UNC5D: variants seen among roughly 807,000 people sequenced by gnomAD.
UNC5D encodes the protein netrin receptor UNC5D.
A neutral mutation model predicts 105.4 loss-of-function variants in UNC5D; 39 were observed. That is an observed-to-expected ratio of 0.37 (90% CI 0.29 to 0.48). UNC5D has a LOEUF of 0.48. UNC5D is among the 20% of genes least tolerant of loss of function. The probability of loss-of-function intolerance (pLI) is 0.98; values close to 1 mark genes in which losing one functional copy is unlikely to be tolerated. For missense variants in UNC5D, 991 were observed against 1,202.4 expected (o/e 0.82, Z 2.60); for synonymous variants, 452 against 450.4 (o/e 1.00, Z -0.04).
At chr8:35,346,936 C>A (rs1289972768) in intron 1 of UNC5D, among the ~76,000 whole-genome samples, 1 of 151,914 alleles carries the variant, frequency 6.6e-6, no homozygotes, top group Non-Finnish European at 1.5e-5. Flanking sequence ...TGAGAAGCCA[C>A]ATTGGACCTC....
At chr8:35,726,011 G>A (rs919057354) in intron 9 of UNC5D, 141 bp from the exon 10 acceptor site, 3 of 1,121,258 alleles carry the variant, frequency 2.7e-6, no homozygotes, top group Non-Finnish European at 3.7e-6. Context: ...ACCCAACCTG[G>A]CAGGGTGGTC....
At chr8:35,718,463 G>C (rs1009966972) in intron 8 of UNC5D, among the ~76,000 whole-genome samples, 1 of 152,128 alleles carries the variant, frequency 6.6e-6, no homozygotes, top group Admixed American at 6.5e-5. Flanking sequence ...CTAAGACTGT[G>C]GTTTCTTTGA....
chr8:35,335,817 G>T (rs1277199216), intron 1 of UNC5D, among the ~76,000 whole-genome samples: 4 of 137,576 alleles, frequency 2.9e-5, no homozygotes, highest in Non-Finnish European at 6.1e-5. Flanking sequence ...AGGCTGGAGT[G>T]CAGTGGCACG....
At chr8:35,248,735 AAT>A (rs1317848862) in intron 1 of UNC5D, among the ~76,000 whole-genome samples, 2 of 99,336 alleles carry the variant, frequency 2.0e-5, no homozygotes, top group South Asian at 6.5e-4. Context: ...AAAAATATAT[AAT>A]ATATATAAAA....
chr8:35,627,649 C>T (rs1703248269), intron 4 of UNC5D, among the ~76,000 whole-genome samples: 1 of 152,138 alleles, frequency 6.6e-6, no homozygotes, highest in Non-Finnish European at 1.5e-5. Flanking sequence ...TAAAACTTGA[C>T]TGGGCGCGGT....
chr8:35,426,503 C>G (rs28567831), intron 1 of UNC5D, among the ~76,000 whole-genome samples: 11,707 of 152,146 alleles, frequency 0.077, 733 homozygotes, highest in African/African-American at 0.17. Flanking sequence ...TCAGAGGAAA[C>G]TAGGTATCTT....
At chr8:35,609,081 C>T (rs1175183380) in intron 4 of UNC5D, among the ~76,000 whole-genome samples, 1 of 151,954 alleles carries the variant, frequency 6.6e-6, no homozygotes, top group Admixed American at 6.5e-5. Context: ...TTTTTTTAAA[C>T]TTTTTAATAA....
At chr8:35,679,223 A>G (rs1825487509) in intron 4 of UNC5D, among the ~76,000 whole-genome samples, 1 of 152,170 alleles carries the variant, frequency 6.6e-6, no homozygotes, top group Admixed American at 6.5e-5. Context: ...GTGTTCCAGC[A>G]GTAGTCTTTT....
chr8:35,700,211 G>A (rs1048355331), intron 7 of UNC5D, among the ~76,000 whole-genome samples: 2 of 152,172 alleles, frequency 1.3e-5, no homozygotes, highest in Admixed American at 6.6e-5. Flanking sequence ...AGTTATGAGG[G>A]GAGAGGGAAA....
chr8:35,782,230 T>A (rs1563759304), intron 16 of UNC5D, among the ~76,000 whole-genome samples: 1 of 152,216 alleles, frequency 6.6e-6, no homozygotes, highest in Non-Finnish European at 1.5e-5. Flanking sequence ...GCTTATGGTG[T>A]GTTCAATTAC....
chr8:35,311,019 A>T (rs2128878383), intron 1 of UNC5D, among the ~76,000 whole-genome samples: 1 of 152,270 alleles, frequency 6.6e-6, no homozygotes, highest in Middle Eastern at 3.4e-3. Context: ...TAAATCACAA[A>T]GCCTAGGAAA....
At chr8:35,253,691 A>G (rs1803877557) in intron 1 of UNC5D, among the ~76,000 whole-genome samples, 1 of 151,758 alleles carries the variant, frequency 6.6e-6, no homozygotes, top group South Asian at 2.1e-4. Context: ...GGGTTCCACC[A>G]TGTTAGCTAG....
chr8:35,482,197 T>G (rs1316784481), intron 1 of UNC5D, among the ~76,000 whole-genome samples: 4 of 152,216 alleles, frequency 2.6e-5, no homozygotes, highest in Non-Finnish European at 5.9e-5. Flanking sequence ...TTCCTGTTAT[T>G]AATTTACCAT....
chr8:35,735,162 A>G (rs1829400761), intron 11 of UNC5D, among the ~76,000 whole-genome samples: 1 of 152,186 alleles, frequency 6.6e-6, no homozygotes, highest in Non-Finnish European at 1.5e-5. Context: ...TTTCACTGAC[A>G]TTACAATAAG....
chr8:35,423,287 C>CA (rs1194628524), intron 1 of UNC5D, among the ~76,000 whole-genome samples: 1 of 152,190 alleles, frequency 6.6e-6, no homozygotes. Context: ...TGAGCATCTT[C>CA]ACAGATAAGC....
intron 1 of UNC5D, among the ~76,000 whole-genome samples, chr8:35,281,691 C>A (rs1346932176): frequency 6.6e-6 from 1 of 152,164 alleles, no homozygotes; most frequent in African/African-American, 2.4e-5. Context: ...GCAGAATGTT[C>A]TCCTGTGAGC....
At chr8:35,412,279 A>G (rs893219525) in intron 1 of UNC5D, among the ~76,000 whole-genome samples, 2 of 152,048 alleles carry the variant, frequency 1.3e-5, no homozygotes, top group Admixed American at 1.3e-4. Context: ...CACTGACAGT[A>G]ATGGGGAGAA....
chr8:35,510,771 T>C (rs1037378249), intron 1 of UNC5D, among the ~76,000 whole-genome samples: 1 of 152,164 alleles, frequency 6.6e-6, no homozygotes, highest in Non-Finnish European at 1.5e-5. Flanking sequence ...CTGGGTAGTA[T>C]ACACAAGTGA....
intron 4 of UNC5D, among the ~76,000 whole-genome samples, chr8:35,619,580 G>A (rs1045755878): frequency 2.6e-5 from 4 of 152,164 alleles, no homozygotes; most frequent in African/African-American, 7.2e-5. Flanking sequence ...GTCTGTTTCA[G>A]TGTCCATATT....
Sources: allele counts gnomAD v4.1 joint callset (sites outside exome capture counted in the v4.1 genomes callset), GRCh38; gene constraint gnomAD v4.1.1; transcripts MANE v1.5; gene names NCBI Gene and HGNC (gene_info 2026-07-23, HGNC 2026-07-21).